FNIP1: variants seen among roughly 807,000 people sequenced by gnomAD.
The protein encoded by FNIP1 is folliculin-interacting protein 1.
In FNIP1, 40 loss-of-function variants were observed where a neutral mutation model predicts 124.5. That is an observed-to-expected ratio of 0.32 (90% CI 0.25 to 0.42). The LOEUF (loss-of-function observed/expected upper bound fraction) is 0.42, where lower values mean the gene tolerates loss of function less well. FNIP1 is among the 10% of genes least tolerant of loss of function. The pLI is 1.00. For synonymous variants in FNIP1, 472 were observed against 470.6 expected (o/e 1.00, Z -0.04); for missense variants, 1,176 against 1,403.7 (o/e 0.84, Z 2.59).
At chr5:131,693,309 T>TATATAC (rs1768553626) in intron 11 of FNIP1, among the ~76,000 whole-genome samples, 2 of 29,972 alleles carry the variant, frequency 6.7e-5, no homozygotes, top group African/African-American at 2.0e-4. Context: ...TATATATATA[T>TATATAC]ATATATACAC....
chr5:131,658,629 A>T (rs1767284731), intron 15 of FNIP1, among the ~76,000 whole-genome samples: 1 of 152,052 alleles, frequency 6.6e-6, no homozygotes, highest in South Asian at 2.1e-4. Flanking sequence ...AGATTAAAAA[A>T]TTTTGCATTA....
intron 17 of FNIP1, among the ~76,000 whole-genome samples, chr5:131,646,488 T>A (rs745983300): frequency 5.9e-5 from 9 of 152,246 alleles, no homozygotes; most frequent in Non-Finnish European, 1.0e-4. Flanking sequence ...TTGCTTTCTT[T>A]AATGGCATTT....
intron 10 of FNIP1, among the ~76,000 whole-genome samples, chr5:131,701,012 G>A (rs913907353): frequency 6.6e-6 from 1 of 152,178 alleles, no homozygotes; most frequent in Non-Finnish European, 1.5e-5. Flanking sequence ...CCTCTGGGCC[G>A]TGGACCAGTA....
chr5:131,760,208 C>T (rs1285711808), intron 1 of FNIP1, among the ~76,000 whole-genome samples: 2 of 151,832 alleles, frequency 1.3e-5, no homozygotes, highest in Non-Finnish European at 1.5e-5. Context: ...AACAAACCTA[C>T]ATATGTACAC....
intron 1 of FNIP1, among the ~76,000 whole-genome samples, chr5:131,779,000 GA>G (rs1771905325): frequency 9.8e-6 from 1 of 101,598 alleles, no homozygotes; most frequent in African/African-American, 3.8e-5. Flanking sequence ...CTGTGGTGGG[GA>G]GGGGGGAGGG....
chr5:131,667,546 C>T (rs1050695061), intron 15 of FNIP1, among the ~76,000 whole-genome samples: 4 of 151,676 alleles, frequency 2.6e-5, no homozygotes, highest in Non-Finnish European at 4.4e-5. Flanking sequence ...TCCATAATTT[C>T]CCACTTGGCT....
At chr5:131,658,296 G>A (rs1011245884) in intron 15 of FNIP1, among the ~76,000 whole-genome samples, 5 of 152,078 alleles carry the variant, frequency 3.3e-5, no homozygotes, top group African/African-American at 4.8e-5. Context: ...TACTGAAACC[G>A]CCTTTGCAAA....
intron 1 of FNIP1, among the ~76,000 whole-genome samples, chr5:131,791,289 T>C (rs564941300): frequency 6.6e-6 from 1 of 152,182 alleles, no homozygotes; most frequent in Non-Finnish European, 1.5e-5. Context: ...AATAATGAAT[T>C]CAGGCAATGA....
chr5:131,663,075 C>T (rs2149510774), intron 15 of FNIP1, among the ~76,000 whole-genome samples: 1 of 152,172 alleles, frequency 6.6e-6, no homozygotes, highest in Non-Finnish European at 1.5e-5. Context: ...AATCATTTAC[C>T]ATCTCTTTGG....
At chr5:131,794,155 C>T (rs1411912820) in intron 1 of FNIP1, among the ~76,000 whole-genome samples, 1 of 148,826 alleles carries the variant, frequency 6.7e-6, no homozygotes, top group Non-Finnish European at 1.5e-5. Context: ...TTACTAGAGC[C>T]CAGGAGGTCA....
intron 15 of FNIP1, among the ~76,000 whole-genome samples, chr5:131,658,328 A>G (rs1182641175): frequency 3.3e-5 from 5 of 152,228 alleles, no homozygotes; most frequent in Non-Finnish European, 5.9e-5. Context: ...TGAGAACATT[A>G]TAACAGTGAA....
At chr5:131,787,040 C>T (rs1232479071) in intron 1 of FNIP1, among the ~76,000 whole-genome samples, 1 of 152,126 alleles carries the variant, frequency 6.6e-6, no homozygotes, top group Non-Finnish European at 1.5e-5. Flanking sequence ...TATCTACTTC[C>T]CCCTCTTCAG....
intron 1 of FNIP1, among the ~76,000 whole-genome samples, chr5:131,748,098 TG>T (rs1770743120): frequency 1.3e-5 from 2 of 151,690 alleles, no homozygotes; most frequent in South Asian, 4.2e-4. Context: ...AAGGGAAAGG[TG>T]GTAAGATGTG....
At chr5:131,694,054 T>C (rs181464707) in intron 11 of FNIP1, among the ~76,000 whole-genome samples, 62 of 152,262 alleles carry the variant, frequency 4.1e-4, no homozygotes, top group Non-Finnish European at 7.4e-4. Context: ...TGGCTAAAAT[T>C]GACAAACTGA....
At position 131,671,703 on chromosome 5, in the gene FNIP1, G is replaced by C. The variant is rs1767756172; in HGVS notation, c.2741C>G (p.Pro914Arg). 1.2e-6 allele frequency: 2 copies of C among 1,614,130 alleles called. No individual in the cohort carries two copies. Among genetic ancestry groups the C allele is most frequent in the African/African-American group, 1.3e-5 (1 of 75,056 alleles). The stretch of plus-strand genomic sequence containing the variant: ...ATCTGAACTCTCTTTATCCCCATGG[G>C]GGACAAGAATGGAGAGTGTATCTCT... ...DQRDTLSILV[P>R]HGDKESSDKK... The change falls in exon 14 of 18, where the codon CCC becomes CGC. Residue 914 changes from proline (P) to arginine (R), a missense_variant. This residue lies in a region of FNIP1 where 1,109 missense variants were observed against 1,288.5 expected (regional missense o/e 0.86). Coordinates refer to ENST00000510461, the MANE Select transcript of FNIP1 (RefSeq NM_133372.3).
chr5:131,730,364 C>G (rs1193088964), intron 3 of FNIP1, among the ~76,000 whole-genome samples: 1 of 152,124 alleles, frequency 6.6e-6, no homozygotes, highest in African/African-American at 2.4e-5. Context: ...GTGATTAATG[C>G]AAACTTGGAT....
rs139891253 is a variant in FNIP1, at chr5:131,672,792, G to A, written c.1652C>T (p.Thr551Met). 4.1e-5 allele frequency: 66 copies of A among 1,613,644 alleles called. No individual in the cohort carries two copies. The highest frequency in any genetic ancestry group is 1.9e-4 in the African/African-American group (14 of 74,990). The part of the protein sequence containing the change: ...YFIRCSELQE[T>M]HLLENGEDEA... ...ATCTTCTCCATTTTCTAAAAGATGC[G>A]TTTCTTGAAGTTCAGAGCATCTTAT... The change falls in exon 14 of 18, where the codon ACG becomes ATG. Residue 551 changes from threonine to methionine, a missense_variant. Thr to Met is a moderately conservative substitution (Grantham distance 81). Coordinates refer to ENST00000510461, the MANE Select transcript of FNIP1 (RefSeq NM_133372.3).
rs1767757110 is a variant in FNIP1 at position 131,671,721 on chromosome 5, G to A, written c.2723C>T (p.Thr908Ile). The A allele has an allele frequency of 6.2e-7, 1 of 1,614,150 alleles. No individual in the cohort carries two copies. Residue 908 changes from threonine (T) to isoleucine (I), a missense_variant, in exon 14 of 18, where the codon ACA (threonine) becomes ATA (isoleucine). By Grantham distance (89) the Thr-to-Ile change is moderately conservative (BLOSUM62 -1). Coordinates refer to ENST00000510461, the MANE Select transcript of FNIP1 (RefSeq NM_133372.3). Reference protein sequence around the residue: ...TCFPQQDQRDTLSILVPHGDK... With the variant: ...TCFPQQDQRDILSILVPHGDK... ...CCCATGGGGGACAAGAATGGAGAGT[G>A]TATCTCTTTGGTCCTGCTGAGGAAA... is the stretch of plus-strand genomic sequence containing the variant.
chr5:131,733,265 C>G (rs910728709), intron 2 of FNIP1, among the ~76,000 whole-genome samples: 1 of 152,196 alleles, frequency 6.6e-6, no homozygotes, highest in Admixed American at 6.5e-5. Flanking sequence ...ACAATCATGT[C>G]ATCTGCAAAC....
Sources: allele counts gnomAD v4.1 joint callset (sites outside exome capture counted in the v4.1 genomes callset), GRCh38; gene constraint gnomAD v4.1.1; regional missense constraint gnomAD v4.1.1; transcripts MANE v1.5; gene names NCBI Gene and HGNC (gene_info 2026-07-23, HGNC 2026-07-21).